The following ZYG11A variants were observed in gnomAD, a reference collection of about 807,000 sequenced individuals.
The protein encoded by ZYG11A is protein zyg-11 homolog A.
A neutral mutation model predicts 77.2 loss-of-function variants in ZYG11A; 62 were observed. That is an observed-to-expected ratio of 0.80 (90% CI 0.65 to 0.99). ZYG11A has a LOEUF of 0.99. Ranked by LOEUF, ZYG11A falls within the 50% of genes least tolerant of loss-of-function variation. The pLI, the probability that ZYG11A is intolerant of heterozygous loss-of-function variation, is 0.00. For missense variants in ZYG11A, 828 were observed against 896.8 expected (o/e 0.92, Z 0.98); for synonymous variants, 315 against 324.6 (o/e 0.97, Z 0.32).
intron 4 of ZYG11A, 49 bp from the exon 5 acceptor site, chr1:52,863,932 T>C: frequency 6.7e-7 from 1 of 1,489,394 alleles, no homozygotes; most frequent in Non-Finnish European, 9.1e-7. Context: ...CAAGACAGCA[T>C]AGAGAATGTT....
intron 8 of ZYG11A, among the ~76,000 whole-genome samples, chr1:52,875,050 A>G (rs890303194): frequency 6.6e-6 from 1 of 152,162 alleles, no homozygotes; most frequent in Non-Finnish European, 1.5e-5. Context: ...AATAGGATGA[A>G]CCAGAAAAGG....
intron 1 of ZYG11A, among the ~76,000 whole-genome samples, chr1:52,844,733 C>T (rs1353598243): frequency 6.6e-6 from 1 of 151,466 alleles, no homozygotes; most frequent in Non-Finnish European, 1.5e-5. Context: ...TCCCAAAGTG[C>T]TGGGATTACA....
chr1:52,842,977 A>G lies in ZYG11A; in HGVS notation c.90+4A>G, dbSNP rs1410349051. ...CCTGGGCTGCTGCGTGGTACAGGTG[A>G]GCACCGGGGTGCGGGCGGCGACGCG... On this transcript the variant is annotated splice_donor_region_variant and intron_variant, in intron 1 of 13. Coordinates refer to ENST00000371528, the MANE Select transcript of ZYG11A (RefSeq NM_001004339.3). The G allele has an allele frequency of 1.7e-5, 25 of 1,512,108 alleles. No individual in the cohort carries two copies. Among genetic ancestry groups the G allele is most frequent in the Non-Finnish European group, 1.9e-5 (21 of 1,131,228 alleles). The allele number at this position is 1,512,108 out of a possible 1,614,324, so 93.7% of individuals were successfully genotyped here.
At chr1:52,883,326 G>A (rs1036551903) in intron 11 of ZYG11A, among the ~76,000 whole-genome samples, 1 of 152,004 alleles carries the variant, frequency 6.6e-6, no homozygotes, top group Non-Finnish European at 1.5e-5. Context: ...ATTTCACCAT[G>A]TTGGCCAAGC....
At chr1:52,851,483 T>G (rs1645709304) in intron 1 of ZYG11A, among the ~76,000 whole-genome samples, 3 of 151,984 alleles carry the variant, frequency 2.0e-5, no homozygotes. Context: ...CTACAACCTC[T>G]GGCTCCCGGG....
At chr1:52,849,427 G>C (rs1442691892) in intron 1 of ZYG11A, among the ~76,000 whole-genome samples, 1 of 151,362 alleles carries the variant, frequency 6.6e-6, no homozygotes, top group South Asian at 2.1e-4. Flanking sequence ...GCAGTGGCGC[G>C]ATCTCCGCTC....
At chr1:52,881,335 G>T in intron 10 of ZYG11A, 136 bp from the exon 11 acceptor site, 2 of 594,462 alleles carry the variant, frequency 3.4e-6, no homozygotes. Flanking sequence ...TTTTAGGCTA[G>T]CTTGAGGCGG....
At chr1:52,847,235 T>G (rs558236277) in intron 1 of ZYG11A, among the ~76,000 whole-genome samples, 1 of 152,268 alleles carries the variant, frequency 6.6e-6, no homozygotes, top group South Asian at 2.1e-4. Flanking sequence ...CTCTGCTAAT[T>G]TTTGTATTTT....
At position 52,887,017 on chromosome 1, in the gene ZYG11A, G is replaced by A; in HGVS notation, c.2068G>A (p.Ala690Thr). The change falls in exon 13 of 14, where the codon GCA (alanine) becomes ACA (threonine). Residue 690 changes from alanine to threonine, a missense_variant. Ala to Thr is a moderately conservative substitution (Grantham distance 58). Coordinates refer to ENST00000371528, the MANE Select transcript of ZYG11A (RefSeq NM_001004339.3). The stretch of plus-strand genomic sequence containing the variant: ...CTCTCAACCAGAGGTTCAGCTCTGG[G>A]CACTATGGGCTATGTATCATGTCTG... ...NFSQPEVQLW[A>T]LWAMYHVCSK... is the part of the protein sequence containing the mutation. 4 of 1,547,290 alleles carry A rather than the reference G, an allele frequency of 2.6e-6. No individual in the cohort carries two copies. Among genetic ancestry groups the A allele is most frequent in the East Asian group, 2.4e-5 (1 of 40,862 alleles).
rs1571857975 is a variant in ZYG11A, at chr1:52,866,819, T to G, written c.1391+252T>G. On this transcript the variant is annotated intron_variant, in intron 6 of 13. Coordinates refer to ENST00000371528, the MANE Select transcript of ZYG11A (RefSeq NM_001004339.3). Reference sequence around the variant, plus strand: ...GATCTAGCCCTTCCATTATCTTTGCTTATTATAAGTTTCCTCATTTGTAAA... The same window carrying G: ...GATCTAGCCCTTCCATTATCTTTGCGTATTATAAGTTTCCTCATTTGTAAA... Among the ~76,000 whole-genome samples the G allele has an allele frequency of 2.0e-5, 3 of 152,220 alleles. No homozygotes were observed. The East Asian group carries it at 5.8e-4, about 29-fold the overall frequency.
At chr1:52,877,869 T>G (rs1393651535) in intron 9 of ZYG11A, 26 bp downstream of exon 9, 1 of 1,550,974 alleles carries the variant, frequency 6.4e-7, no homozygotes, top group Admixed American at 2.0e-5. Context: ...TGAGTTTATA[T>G]GTAAAGTTCT....
At chr1:52,878,015 A>C in intron 10 of ZYG11A, 46 bp downstream of exon 10, 2 of 1,483,802 alleles carry the variant, frequency 1.3e-6, no homozygotes, top group Non-Finnish European at 1.8e-6. Flanking sequence ...TAAAAGCAAA[A>C]CCTAACACTT....
Position 52,867,565 on chromosome 1 carries a change from GA to G in ZYG11A, c.1419del (p.Arg473SerfsTer16). 1 of 1,552,162 alleles carries G rather than the reference GA, an allele frequency of 6.4e-7. No individual in the cohort carries two copies. The highest frequency in any genetic ancestry group is 2.0e-5 in the Admixed American group (1 of 50,998). On this transcript the variant is annotated frameshift_variant, in exon 7 of 14. Coordinates refer to ENST00000371528, the MANE Select transcript of ZYG11A (RefSeq NM_001004339.3). LOFTEE classifies it high-confidence loss of function. ...DRFDAAKFVM[R>X]WLCKHENPKM... is the part of the protein sequence containing the mutation. Reference sequence around the variant, plus strand: ...TTTGATGCTGCCAAGTTTGTCATGAGATGGCTCTGTAAGCATGAAAACCCCA... The same window carrying G: ...TTTGATGCTGCCAAGTTTGTCATGAGTGGCTCTGTAAGCATGAAAACCCCA...
chr1:52,882,581 T>C (rs958137341), intron 11 of ZYG11A, among the ~76,000 whole-genome samples: 2 of 152,244 alleles, frequency 1.3e-5, no homozygotes, highest in South Asian at 4.1e-4. Flanking sequence ...GAAAAGAGTC[T>C]TGAAATGAGA....
intron 1 of ZYG11A, among the ~76,000 whole-genome samples, chr1:52,844,358 A>ATGGAAAATT (rs1173666164): frequency 1.3e-5 from 2 of 152,228 alleles, no homozygotes; most frequent in East Asian, 3.8e-4. Context: ...TTTGTAATTA[A>ATGGAAAATT]TGGAAAACTT....
chr1:52,877,178 C>T (rs1646276475), intron 8 of ZYG11A, among the ~76,000 whole-genome samples: 1 of 152,010 alleles, frequency 6.6e-6, no homozygotes, highest in African/African-American at 2.4e-5. Flanking sequence ...CTGGCTTATC[C>T]TCTTTTTCTT....
chr1:52,843,073 G>A, intron 1 of ZYG11A, 100 bp downstream of exon 1: 1 of 1,068,862 alleles, frequency 9.4e-7, no homozygotes, highest in South Asian at 1.9e-5. Flanking sequence ...CACTTGCTGG[G>A]GAGTGTGGCC....
chr1:52,887,370 C>CT (rs998285606), intron 13 of ZYG11A, among the ~76,000 whole-genome samples: 5 of 152,240 alleles, frequency 3.3e-5, no homozygotes, highest in Non-Finnish European at 7.4e-5. Flanking sequence ...TTAGTATGTG[C>CT]TGTATATATG....
intron 3 of ZYG11A, among the ~76,000 whole-genome samples, chr1:52,860,365 G>T (rs1645904372): frequency 6.6e-6 from 1 of 151,958 alleles, no homozygotes; most frequent in African/African-American, 2.4e-5. Flanking sequence ...CCTGATTCTT[G>T]AATCCTGTAT....
Sources: allele counts gnomAD v4.1 joint callset (sites outside exome capture counted in the v4.1 genomes callset), GRCh38; gene constraint gnomAD v4.1.1; transcripts MANE v1.5; gene names NCBI Gene and HGNC (gene_info 2026-07-23, HGNC 2026-07-21).